DCP1B: variants seen among roughly 807,000 people sequenced by gnomAD.
DCP1B encodes the protein mRNA-decapping enzyme 1B.
A neutral mutation model predicts 60.5 loss-of-function variants in DCP1B; 47 were observed. The observed-to-expected ratio is 0.78, with a 90% confidence interval of 0.61 to 0.99. The LOEUF (loss-of-function observed/expected upper bound fraction) is 0.99, where lower values mean the gene tolerates loss of function less well. Among genes scored for constraint, DCP1B ranks in the 50% least tolerant of loss-of-function variants. The pLI is 0.00. For synonymous variants in DCP1B, 267 were observed against 280.3 expected, an observed-to-expected ratio of 0.95 and a Z score of 0.47; for missense variants, 725 against 756.8, an observed-to-expected ratio of 0.96 and a Z score of 0.49.
chr12:1,972,750 C>A (rs893507008), intron 3 of DCP1B, among the ~76,000 whole-genome samples: 1 of 150,516 alleles, frequency 6.6e-6, no homozygotes, highest in African/African-American at 2.5e-5. Flanking sequence ...TGGAATTAGT[C>A]TTTTTAAACC....
At chr12:1,950,458 G>A in intron 7 of DCP1B, 1 of 697,112 alleles carries the variant, frequency 1.4e-6, no homozygotes. Flanking sequence ...AATCATCAAA[G>A]AGGAAAAAAG....
chr12:1,985,462 C>T (rs1457731975), intron 3 of DCP1B, among the ~76,000 whole-genome samples: 1 of 151,958 alleles, frequency 6.6e-6, no homozygotes, highest in Admixed American at 6.6e-5. Flanking sequence ...TTTTTTATAC[C>T]TATTTTTGTG....
At position 1,971,219 on chromosome 12, in the gene DCP1B, G is replaced by A; in HGVS notation, c.320-3309C>T. On this transcript the variant is annotated intron_variant, in intron 3 of 8. Transcript: ENST00000280665. The surrounding 1 kb of genome is among the most constrained non-coding windows in gnomAD (Gnocchi z 4.2). ...TCCTGGAGGTAAGAAACCCTAAAGT[G>A]AAATAAAGAGTAGGAAGAACATGTT... 1 of 1,262,968 alleles carries A rather than the reference G, an allele frequency of 7.9e-7. No homozygotes were observed. The highest frequency in any genetic ancestry group is 1.0e-6 in the Non-Finnish European group (1 of 965,640). 78.2% of individuals were successfully genotyped at this position (1,262,968 alleles called of 1,614,324 possible).
intron 6 of DCP1B, among the ~76,000 whole-genome samples, chr12:1,954,836 T>C (rs1796662802): frequency 6.6e-6 from 1 of 152,190 alleles, no homozygotes; most frequent in South Asian, 2.1e-4. Context: ...TCTCTGACAA[T>C]GTTATTAGTT....
chr12:1,968,977 T>C (rs1289929232), intron 3 of DCP1B, among the ~76,000 whole-genome samples: 2 of 152,188 alleles, frequency 1.3e-5, no homozygotes, highest in Non-Finnish European at 2.9e-5. Context: ...CATTTATAAA[T>C]ATCTAGTTGA....
chr12:2,004,085 G>A (rs1593481524), intron 1 of DCP1B, 197 bp downstream of exon 1: 2 of 719,186 alleles, frequency 2.8e-6, no homozygotes, highest in East Asian at 5.6e-5. Flanking sequence ...CCAACTCCAG[G>A]TAGCTCCACA....
rs1479452183 is a variant in DCP1B at position 1,948,419 on chromosome 12, GGTT to G, written c.1773+664_1773+666del. 6.6e-6 allele frequency among the ~76,000 whole-genome samples: 1 copy of G among 152,182 alleles called. No homozygotes were observed. The highest frequency in any genetic ancestry group is 2.4e-5 in the African/African-American group (1 of 41,448). On this transcript the variant is annotated intron_variant, in intron 8 of 8. Coordinates refer to ENST00000280665, the MANE Select transcript of DCP1B (RefSeq NM_152640.5). This position sits in a 1 kb window ranked among gnomAD's most constrained non-coding sequence, Gnocchi z 4.8. ...GTCTGTAGAATGGGAAAAATAACAG[GGTT>G]GTTATGTAAGGAGTGAATGAGTTAT...
chr12:1,982,507 A>C (rs555660586), intron 3 of DCP1B, among the ~76,000 whole-genome samples: 6 of 151,126 alleles, frequency 4.0e-5, no homozygotes, highest in Non-Finnish European at 7.4e-5. Context: ...AACTTAGCAT[A>C]ATGTCTTCAA....
chr12:1,981,369 A>G (rs1339231647), intron 3 of DCP1B, among the ~76,000 whole-genome samples: 1 of 152,240 alleles, frequency 6.6e-6, no homozygotes, highest in Non-Finnish European at 1.5e-5. Flanking sequence ...AAAACAATTC[A>G]GTACTCATTG....
downstream of DCP1B, among the ~76,000 whole-genome samples, chr12:1,944,770 T>C (rs1413434838): frequency 6.7e-6 from 1 of 149,994 alleles, no homozygotes; most frequent in Non-Finnish European, 1.5e-5. Context: ...TTACACCTTA[T>C]ACAAAAATTA....
chr12:1,960,926 C>T (rs957083939), intron 5 of DCP1B, among the ~76,000 whole-genome samples: 1 of 152,186 alleles, frequency 6.6e-6, no homozygotes, highest in Non-Finnish European at 1.5e-5. Flanking sequence ...TCTTCTGTCT[C>T]AGAACCACTT....
At chr12:1,966,827 C>T (rs938086925) in intron 4 of DCP1B, among the ~76,000 whole-genome samples, 1 of 152,354 alleles carries the variant, frequency 6.6e-6, no homozygotes, top group South Asian at 2.1e-4. Context: ...TCTAGCTAGA[C>T]TTTCAGGAAT....
chr12:1,953,122 G>A lies in DCP1B; in HGVS notation c.818C>T (p.Ser273Phe), dbSNP rs766183090. The A allele has an allele frequency of 1.2e-6, 2 of 1,613,816 alleles. No homozygotes were observed. The highest frequency in any genetic ancestry group is 2.2e-5 in the South Asian group (2 of 91,070). ...KLPIRQGVVR[S>F]LSYEEPRRHS... ...TCTTCTGGGTTCCTCATAGGACAGGGAGCGTACAACCCCCTGCCTAATTGG... is the reference window on the plus strand; with the variant it reads ...TCTTCTGGGTTCCTCATAGGACAGGAAGCGTACAACCCCCTGCCTAATTGG... The change falls in exon 7 of 9, where the codon TCC (serine) becomes TTC (phenylalanine). Residue 273 changes from serine (S) to phenylalanine (F), a missense_variant. Ser to Phe is a radical substitution (Grantham distance 155). Transcript: ENST00000280665.
intron 3 of DCP1B, among the ~76,000 whole-genome samples, chr12:1,984,735 T>C (rs2037152113): frequency 7.1e-6 from 1 of 140,222 alleles, no homozygotes; most frequent in South Asian, 2.3e-4. Context: ...CCTTCCAGCC[T>C]GAAGAATTTC....
chr12:1,974,449 G>A (rs2033643922), intron 3 of DCP1B, among the ~76,000 whole-genome samples: 1 of 152,124 alleles, frequency 6.6e-6, no homozygotes, highest in Non-Finnish European at 1.5e-5. Context: ...TATTTCGATT[G>A]ATCCAGCACT....
intron 2 of DCP1B, among the ~76,000 whole-genome samples, chr12:1,995,383 A>C (rs1297411094): frequency 6.6e-6 from 1 of 152,242 alleles, no homozygotes; most frequent in Non-Finnish European, 1.5e-5. Flanking sequence ...TTTTGTTGTA[A>C]ACTTCAGAAT....
chr12:1,993,280 G>A lies in DCP1B; in HGVS notation c.303C>T (p.Leu101=). ...LDFQLQDPFL[L]YRNARLSIYG... is the part of the protein sequence containing the mutation. ...AAGACTCACATCTGGCATTTCTGTA[G>A]AGAAGGAAAGGGTCCTGGAGTTGGA... The change falls in exon 3 of 9, where the codon CTC becomes CTT. Residue 101 remains leucine, a synonymous_variant. Coordinates refer to ENST00000280665, the MANE Select transcript of DCP1B (RefSeq NM_152640.5). 1 of 1,614,128 alleles carries A rather than the reference G, an allele frequency of 6.2e-7. No individual in the cohort carries two copies. The highest frequency in any genetic ancestry group is 1.7e-5 in the Admixed American group (1 of 60,020).
chr12:1,980,327 A>AG (rs1342818760), intron 3 of DCP1B, among the ~76,000 whole-genome samples: 1 of 152,240 alleles, frequency 6.6e-6, no homozygotes, highest in African/African-American at 2.4e-5. Flanking sequence ...AAAGTACCTG[A>AG]GGAATCATGT....
chr12:1,966,058 CT>C (rs1313114293), intron 4 of DCP1B: 1 of 176,134 alleles, frequency 5.7e-6, no homozygotes, highest in Non-Finnish European at 1.2e-5. Context: ...ATCCTATGGA[CT>C]GCAAAGCCTA....
Sources: gnomAD v4.1 joint callset for allele counts (sites outside exome capture counted in the v4.1 genomes callset) on GRCh38, gnomAD v4.1.1 for gene constraint, Gnocchi (gnomAD v3.1) non-coding constraint, MANE v1.5 for transcripts, NCBI Gene and HGNC (gene_info 2026-07-23, HGNC 2026-07-21) for gene names.